The following TG variants were observed in gnomAD, a reference collection of about 807,000 sequenced individuals.
TG encodes thyroglobulin, also known as thyroid hormones.
Under a neutral mutation model 324.7 loss-of-function variants are expected in TG, and 270 were observed. That is an observed-to-expected ratio of 0.83 (90% CI 0.75 to 0.92). TG has a LOEUF of 0.92. Among genes scored for constraint, TG ranks in the 40% least tolerant of loss-of-function variants. The pLI is 0.00. For missense variants in TG, 3,591 were observed against 3,456.4 expected (o/e 1.04, Z -0.98); for synonymous variants, 1,401 against 1,327.0 (o/e 1.06, Z -1.21).
intron 20 of TG, among the ~76,000 whole-genome samples, chr8:132,917,043 C>CTCCCTCCTTCCTTCCTTCCT (rs1554667555): frequency 1.0e-4 from 5 of 48,844 alleles, no homozygotes; most frequent in Middle Eastern, 0.021. Flanking sequence ...CCCTCCCTCC[C>CTCCCTCCTTCCTTCCTTCCT]TCCTTCCTTC....
At chr8:133,059,614 A>G (rs1428004926) in intron 41 of TG, among the ~76,000 whole-genome samples, 1 of 151,984 alleles carries the variant, frequency 6.6e-6, no homozygotes, top group African/African-American at 2.4e-5. Flanking sequence ...CTTTGTTTTC[A>G]GGAAGATGTC....
At chr8:133,126,056 TAAG>T (rs1851493732) in intron 45 of TG, among the ~76,000 whole-genome samples, 1 of 152,222 alleles carries the variant, frequency 6.6e-6, no homozygotes, top group Non-Finnish European at 1.5e-5. Context: ...AAAAGTCAAT[TAAG>T]AAGAGAACTT....
chr8:133,115,624 T>C (rs1850616955), intron 44 of TG, among the ~76,000 whole-genome samples: 1 of 152,208 alleles, frequency 6.6e-6, no homozygotes, highest in African/African-American at 2.4e-5. Flanking sequence ...CTCTTCCAGG[T>C]AGGGACCTTT....
chr8:133,038,525 T>A, intron 41 of TG: 1 of 1,605,644 alleles, frequency 6.2e-7, no homozygotes, highest in Non-Finnish European at 8.5e-7. Flanking sequence ...TGTTCTTGGC[T>A]AGTCCTCAAA....
intron 38 of TG, among the ~76,000 whole-genome samples, chr8:133,018,942 G>A (rs7835552): frequency 0.011 from 1,652 of 152,326 alleles, 31 homozygotes; most frequent in African/African-American, 0.038. Flanking sequence ...ATTTCCATCT[G>A]CTCCACTGCT....
intron 26 of TG, among the ~76,000 whole-genome samples, chr8:132,947,746 T>C (rs1825528914): frequency 6.6e-6 from 1 of 152,166 alleles, no homozygotes; most frequent in African/African-American, 2.4e-5. Context: ...AGCAGCTTAA[T>C]TAACTTACAT....
At chr8:132,998,128 G>A (rs1386431783) in intron 35 of TG, among the ~76,000 whole-genome samples, 1 of 152,102 alleles carries the variant, frequency 6.6e-6, no homozygotes, top group Non-Finnish European at 1.5e-5. Context: ...TAGAAGGACT[G>A]ACTTCCAATG....
At chr8:132,898,067 G>A in intron 12 of TG, 102 bp from the exon 13 acceptor site, 1 of 1,191,768 alleles carries the variant, frequency 8.4e-7, no homozygotes, top group Non-Finnish European at 1.2e-6. Context: ...AAGGCGACCA[G>A]GCTTGCACTG....
At chr8:132,907,014 T>C in intron 17 of TG, 114 bp downstream of exon 17, 1 of 1,129,604 alleles carries the variant, frequency 8.9e-7, no homozygotes, top group Non-Finnish European at 1.3e-6. Flanking sequence ...AGCACGCTGG[T>C]GGTATGCCAG....
At chr8:132,987,016 T>G (rs898915634) in intron 35 of TG, among the ~76,000 whole-genome samples, 3 of 152,152 alleles carry the variant, frequency 2.0e-5, no homozygotes, top group Non-Finnish European at 4.4e-5. Flanking sequence ...TTCCACTCTA[T>G]TTTTGCTAAA....
At position 133,031,737 on chromosome 8, in the gene TG, C is replaced by T. The variant is rs530482836; in HGVS notation, c.7239+1714C>T. Reference sequence around the variant, plus strand: ...CAACAGAAAGCCGTGTCACCTGCCACGCATCTCTCTCCATCAGCCACAGGA... The same window carrying T: ...CAACAGAAAGCCGTGTCACCTGCCATGCATCTCTCTCCATCAGCCACAGGA... On this transcript the variant is annotated intron_variant, in intron 41 of 47. Transcript: ENST00000220616. Among the ~76,000 whole-genome samples, 17 of 152,292 alleles carry T rather than the reference C, an allele frequency of 1.1e-4. No individual in the cohort carries two copies. The South Asian group carries it at 2.1e-3, about 19-fold the overall frequency.
chr8:133,096,639 G>C (rs1848458800), intron 43 of TG, among the ~76,000 whole-genome samples: 1 of 152,242 alleles, frequency 6.6e-6, no homozygotes, highest in South Asian at 2.1e-4. Flanking sequence ...TGCAGCTCAG[G>C]GCTGCAAGTT....
chr8:133,047,632 C>T (rs557957559), intron 41 of TG: 2 of 594,068 alleles, frequency 3.4e-6, no homozygotes, highest in Admixed American at 2.7e-5. Flanking sequence ...GCCCAGCCGG[C>T]TCCCCACTGC....
intron 26 of TG, among the ~76,000 whole-genome samples, chr8:132,946,491 A>C (rs2130030865): frequency 6.6e-6 from 1 of 152,260 alleles, no homozygotes; most frequent in Non-Finnish European, 1.5e-5. Context: ...TGGAGTTTTA[A>C]CTTATGAAGA....
chr8:133,016,668 G>C (rs1181399713), intron 37 of TG, among the ~76,000 whole-genome samples: 1 of 152,214 alleles, frequency 6.6e-6, no homozygotes, highest in East Asian at 1.9e-4. Flanking sequence ...TCAGAAATAA[G>C]AGACTTCTCA....
intron 23 of TG, among the ~76,000 whole-genome samples, chr8:132,931,519 A>G (rs2132544359): frequency 6.6e-6 from 1 of 152,298 alleles, no homozygotes; most frequent in Non-Finnish European, 1.5e-5. Context: ...CATCTAGAGA[A>G]CTAAGTAGCA....
In TG at chr8:132,970,944, G is replaced by C. The variant is rs985387523; in HGVS notation, c.5976-850G>C. Among the ~76,000 whole-genome samples the C allele has an allele frequency of 5.3e-5, 8 of 152,184 alleles. No homozygotes were observed. In the East Asian group the frequency reaches 1.5e-3, roughly 29 times the overall value. The stretch of plus-strand genomic sequence containing the variant: ...CCAACATTGGAGATGCTGCCCAGCA[G>C]GTAAAAGCATCACCGCTGGGATGTG... On this transcript the variant is annotated intron_variant, in intron 32 of 47. Coordinates refer to ENST00000220616, the MANE Select transcript of TG (RefSeq NM_003235.5).
chr8:132,978,065 G>A (rs1830393409), intron 34 of TG, among the ~76,000 whole-genome samples: 2 of 152,304 alleles, frequency 1.3e-5, no homozygotes, highest in South Asian at 2.1e-4. Context: ...ATCCAAGACT[G>A]GGTAATTTAT....
intron 34 of TG, 96 bp downstream of exon 34, chr8:132,972,837 A>T: frequency 1.3e-6 from 2 of 1,484,898 alleles, no homozygotes; most frequent in Non-Finnish European, 1.9e-6. Flanking sequence ...TGAGTAGATT[A>T]ATGAAGACTC....
Sources: gnomAD v4.1 joint callset for allele counts (sites outside exome capture counted in the v4.1 genomes callset) on GRCh38, gnomAD v4.1.1 for gene constraint, MANE v1.5 for transcripts, NCBI Gene and HGNC (gene_info 2026-07-23, HGNC 2026-07-21) for gene names.